NIT2: variants seen among roughly 807,000 people sequenced by gnomAD.
NIT2 encodes the protein nitrilase family member 2.
In NIT2, 46 loss-of-function variants were observed where a neutral mutation model predicts 42.7. That is an observed-to-expected ratio of 1.08 (90% CI 0.85 to 1.38). The LOEUF is 1.38. NIT2 is among the 40% of genes most tolerant of loss of function. NIT2 has a pLI of 0.00. For synonymous variants in NIT2, 123 were observed against 121.9 expected, an observed-to-expected ratio of 1.01 and a Z score of -0.06; for missense variants, 309 against 342.5, an observed-to-expected ratio of 0.90 and a Z score of 0.77.
At chr3:100,338,248 C>T (rs1035318298) in intron 1 of NIT2, among the ~76,000 whole-genome samples, 4 of 152,200 alleles carry the variant, frequency 2.6e-5, no homozygotes, top group African/African-American at 9.6e-5. Context: ...GGGCTGGCTA[C>T]ATAATTTGTG....
At chr3:100,348,407 T>C (rs1290603302) in intron 6 of NIT2, among the ~76,000 whole-genome samples, 6 of 152,192 alleles carry the variant, frequency 3.9e-5, no homozygotes, top group African/African-American at 1.4e-4. Context: ...AGCACCATAT[T>C]GAGTCCACTG....
At chr3:100,345,880 A>G (rs1348912188) in intron 5 of NIT2, 1 of 603,458 alleles carries the variant, frequency 1.7e-6, no homozygotes, top group Non-Finnish European at 2.9e-6. Context: ...CTTTGATTTG[A>G]TTGTAGCTTC....
chr3:100,337,903 A>G (rs1706096402), intron 1 of NIT2, among the ~76,000 whole-genome samples: 1 of 152,198 alleles, frequency 6.6e-6, no homozygotes, highest in Admixed American at 6.5e-5. Flanking sequence ...TCTCTACAAA[A>G]AATTACATAA....
At position 100,350,867 on chromosome 3, in the gene NIT2, C is replaced by T. The variant is rs574733880; in HGVS notation, c.585-1537C>T. On this transcript the variant is annotated intron_variant, in intron 7 of 9. Coordinates refer to ENST00000394140, the MANE Select transcript of NIT2 (RefSeq NM_020202.5). ...GCTATCTCTCCCCCCTGCCCCCACC[C>T]CACAACAGTCCCCAGAGTGTGATGT... is the stretch of plus-strand genomic sequence containing the variant. 4.0e-3 allele frequency among the ~76,000 whole-genome samples: 611 copies of T among 152,164 alleles called. 3 individuals carry two copies. Among genetic ancestry groups the T allele is most frequent in the South Asian group, 7.5e-3 (36 of 4,810 alleles).
chr3:100,355,068 A>G, intron 9 of NIT2, 109 bp from the exon 10 acceptor site: 1 of 821,922 alleles, frequency 1.2e-6, no homozygotes, highest in East Asian at 2.6e-5. Flanking sequence ...GACCTATGTT[A>G]CTAAGTTACT....
In NIT2 at chr3:100,352,460, C is replaced by G. The variant is rs1225071068; in HGVS notation, c.641C>G (p.Ala214Gly). 1 of 1,613,440 alleles carries G rather than the reference C, an allele frequency of 6.2e-7. No individual in the cohort carries two copies. Among genetic ancestry groups the G allele is most frequent in the African/African-American group, 1.3e-5 (1 of 74,910 alleles). The change falls in exon 8 of 10, where the codon GCC becomes GGC. Residue 214 changes from alanine to glycine, a missense_variant. Transcript: ENST00000394140. ...GCCTCTCCTGCCCGGGATGACAAAG[C>G]CTCCTATGTTGCCTGGGGACACAGC... ...ATASPARDDK[A>G]SYVAWGHSTV...
rs1706345546 is a variant in NIT2, at chr3:100,358,622, G to T, written c.*3354G>T. On this transcript the variant is annotated 3_prime_UTR_variant, in exon 10 of 10. Transcript: ENST00000394140. ...TTGACCTAGCTGTTTGAAGCTGAGA[G>T]CTAACAGATAATAAGTGTTGCACTG... 6.6e-6 allele frequency: 1 copy of T among 152,148 alleles called. No individual in the cohort carries two copies. Among genetic ancestry groups the T allele is most frequent in the Admixed American group, 6.5e-5 (1 of 15,268 alleles). The allele number at this position is 152,148 out of a possible 1,614,324, so 9.4% of individuals were successfully genotyped here.
At chr3:100,337,506 T>C (rs892586458) in intron 1 of NIT2, among the ~76,000 whole-genome samples, 3 of 152,174 alleles carry the variant, frequency 2.0e-5, no homozygotes, top group Admixed American at 2.0e-4. Context: ...CAGGCTGGAG[T>C]GCAGTGGCGC....
chr3:100,349,018 G>T (rs1706246138), intron 7 of NIT2, 137 bp downstream of exon 7: 1 of 669,798 alleles, frequency 1.5e-6, no homozygotes, highest in East Asian at 2.8e-5. Flanking sequence ...AATGCAGTTG[G>T]AAAGGATGAA....
chr3:100,345,410 AT>A (rs781755225), intron 4 of NIT2, among the ~76,000 whole-genome samples, 174 bp from the exon 5 acceptor site: 40 of 152,182 alleles, frequency 2.6e-4, no homozygotes, highest in Non-Finnish European at 5.0e-4. Flanking sequence ...CTGTGGTAGA[AT>A]TCATTTTGAT....
intron 7 of NIT2, 35 bp from the exon 8 acceptor site, chr3:100,352,369 G>T: frequency 6.6e-7 from 1 of 1,511,538 alleles, no homozygotes; most frequent in Non-Finnish European, 9.2e-7. Flanking sequence ...GATTTATAAT[G>T]TACGATTTAC....
intron 5 of NIT2, 93 bp downstream of exon 5, chr3:100,345,771 A>C (rs2148882787): frequency 1.3e-6 from 1 of 785,068 alleles, no homozygotes; most frequent in East Asian, 2.7e-5. Flanking sequence ...TTCTTCACAT[A>C]ACCTAACTGA....
chr3:100,347,460 G>A (rs1458625617), intron 6 of NIT2, among the ~76,000 whole-genome samples: 2 of 151,986 alleles, frequency 1.3e-5, no homozygotes, highest in African/African-American at 2.4e-5. Context: ...TTGAGGCAGG[G>A]TCTCACTGTC....
chr3:100,350,076 A>T (rs1445178687), intron 7 of NIT2: 1 of 152,030 alleles, frequency 6.6e-6, no homozygotes, highest in Non-Finnish European at 1.5e-5. Context: ...GCCCCCGAGG[A>T]TGCTCCCTTT....
At chr3:100,343,882 T>C (rs538240678) in intron 4 of NIT2, among the ~76,000 whole-genome samples, 1 of 152,346 alleles carries the variant, frequency 6.6e-6, no homozygotes, top group Non-Finnish European at 1.5e-5. Context: ...GGATTATATA[T>C]TGTAGAGATT....
Position 100,356,610 on chromosome 3 carries a change from A to G in NIT2, c.*1342A>G, listed in dbSNP as rs966341575. 5 of 152,230 alleles carry G rather than the reference A, an allele frequency of 3.3e-5. No homozygotes were observed. Among genetic ancestry groups the G allele is most frequent in the African/African-American group, 2.4e-5 (1 of 41,464 alleles). The allele number at this position is 152,230 out of a possible 1,614,324, so 9.4% of individuals were successfully genotyped here. A position where few individuals can be genotyped will look rare whatever the true frequency, so the allele number is the denominator to read the frequency against. ...ACACTGTGTACTGAGAACAAGAGAA[A>G]GACAAATGACTTTTTTAAATTAAGT... On this transcript the variant is annotated 3_prime_UTR_variant, in exon 10 of 10. Transcript: ENST00000394140.
Position 100,356,986 on chromosome 3 carries a change from ATTAC to A in NIT2, c.*1721_*1724del, listed in dbSNP as rs1211987075. 4 of 152,200 alleles carry A rather than the reference ATTAC, an allele frequency of 2.6e-5. No individual in the cohort carries two copies. Among genetic ancestry groups the A allele is most frequent in the African/African-American group, 4.8e-5 (2 of 41,448 alleles). 9.4% of individuals were successfully genotyped at this position (152,200 alleles called of 1,614,324 possible). On this transcript the variant is annotated 3_prime_UTR_variant, in exon 10 of 10. Coordinates refer to ENST00000394140, the MANE Select transcript of NIT2 (RefSeq NM_020202.5). ...CTCTGTATGTCTTCTTTCACTCAAA[ATTAC>A]TTCTTTCATTTTTAGACGGAAGCAT...
chr3:100,352,924 G>A lies in NIT2; in HGVS notation c.683+422G>A, dbSNP rs540076404. Among the ~76,000 whole-genome samples, 14 of 152,336 alleles carry A rather than the reference G, an allele frequency of 9.2e-5. No individual in the cohort carries two copies. The South Asian group carries it at 2.1e-3, about 23-fold the overall frequency. ...TTCCAGCATAATGATCAGAGGAGCA[G>A]TCAGGATGGTTCAATAAGTGAAACT... On this transcript the variant is annotated intron_variant, in intron 8 of 9. Coordinates refer to ENST00000394140, the MANE Select transcript of NIT2 (RefSeq NM_020202.5).
chr3:100,346,236 A>C lies in NIT2; in HGVS notation c.486A>C (p.Ala162=). Residue 162 remains alanine (A), a synonymous_variant, in exon 6 of 10, where the codon GCA becomes GCC. Coordinates refer to ENST00000394140, the MANE Select transcript of NIT2 (RefSeq NM_020202.5). ...ICYDMRFAEL[A]QIYAQRGCQL... ...ACGACATGCGGTTTGCAGAGCTTGC[A>C]CAAATCTACGCACAGAGAGGTGAGG... The C allele has an allele frequency of 6.2e-7, 1 of 1,614,148 alleles. No individual in the cohort carries two copies. The highest frequency in any genetic ancestry group is 8.5e-7 in the Non-Finnish European group (1 of 1,179,972).
Sources: gnomAD v4.1 joint callset for allele counts (sites outside exome capture counted in the v4.1 genomes callset) on GRCh38, gnomAD v4.1.1 for gene constraint, MANE v1.5 for transcripts, NCBI Gene and HGNC (gene_info 2026-07-23, HGNC 2026-07-21) for gene names.